TP73: variants seen among roughly 807,000 people sequenced by gnomAD.
The protein encoded by TP73 is p53-like transcription factor.
In TP73, 25 loss-of-function variants were observed where a neutral mutation model predicts 62.5. The observed-to-expected ratio is 0.40, with a 90% CI of 0.29 to 0.56. The LOEUF is 0.56. TP73 is among the 20% of genes least tolerant of loss of function. TP73 has a pLI of 0.46. For missense variants in TP73, 754 were observed against 913.3 expected, an observed-to-expected ratio of 0.83 and a Z score of 2.25; for synonymous variants, 423 against 377.5, an observed-to-expected ratio of 1.12 and a Z score of -1.40.
At chr1:3,683,022 T>G in intron 2 of TP73, 38 bp from the exon 3 acceptor site, 3 of 1,580,028 alleles carry the variant, frequency 1.9e-6, no homozygotes, top group Non-Finnish European at 2.6e-6. Context: ...ACACCCAAAC[T>G]GGGGACTGAC....
intron 1 of TP73, among the ~76,000 whole-genome samples, chr1:3,655,857 C>T (rs765590269): frequency 4.6e-5 from 7 of 152,262 alleles, no homozygotes; most frequent in African/African-American, 1.7e-4. Flanking sequence ...CTCTGTGGGT[C>T]GTGCAGAAGG....
intron 4 of TP73, among the ~76,000 whole-genome samples, chr1:3,716,034 C>T (rs1378050450): frequency 2.0e-5 from 3 of 152,218 alleles, no homozygotes; most frequent in Admixed American, 1.3e-4. Context: ...TAGGACATGG[C>T]TCAAGGTCGT....
intron 1 of TP73, among the ~76,000 whole-genome samples, chr1:3,679,483 ATCTC>A (rs1232329562): frequency 4.3e-5 from 6 of 140,368 alleles, no homozygotes; most frequent in African/African-American, 1.3e-4. Flanking sequence ...GTCTCTCTCC[ATCTC>A]TCTCTGTCTC....
chr1:3,732,675 C>T, intron 13 of TP73, 72 bp from the exon 14 acceptor site: 1 of 1,411,596 alleles, frequency 7.1e-7, no homozygotes, highest in Non-Finnish European at 9.5e-7. Flanking sequence ...GCCAGACCTC[C>T]AGGCCCAGGG....
chr1:3,727,899 C>A, intron 8 of TP73, 129 bp downstream of exon 8: 1 of 1,359,952 alleles, frequency 7.4e-7, no homozygotes, highest in Non-Finnish European at 9.7e-7. Flanking sequence ...CAGACTCCTC[C>A]CTGACGGAGC....
At chr1:3,724,278 AG>A (rs984584408) in intron 6 of TP73, among the ~76,000 whole-genome samples, 4 of 152,030 alleles carry the variant, frequency 2.6e-5, no homozygotes, top group Non-Finnish European at 5.9e-5. Flanking sequence ...AGGGGAAGGC[AG>A]GCAATGGCAG....
chr1:3,735,402 G>C lies in TP73; in HGVS notation c.*2323G>C, dbSNP rs1001238057. 1 of 152,330 alleles carries C rather than the reference G, an allele frequency of 6.6e-6. No homozygotes were observed. The highest frequency in any genetic ancestry group is 1.5e-5 in the Non-Finnish European group (1 of 68,218). The allele number at this position is 152,330 out of a possible 1,614,324, so 9.4% of individuals were successfully genotyped here. A position where few individuals can be genotyped will look rare whatever the true frequency, so the allele number is the denominator to read the frequency against. ...TGGGAAGGGCTGGGGGGGCTGGGGG[G>C]GCTGGGAGAGGCCCAGGGGCAGCTG... On this transcript the variant is annotated 3_prime_UTR_variant, in exon 14 of 14. Transcript: ENST00000378295.
intron 3 of TP73, among the ~76,000 whole-genome samples, chr1:3,686,511 G>A (rs930899452): frequency 6.6e-6 from 1 of 152,166 alleles, no homozygotes; most frequent in African/African-American, 2.4e-5. Context: ...GCCCAACCCC[G>A]TGGGCCTCGG....
At chr1:3,721,667 C>T (rs967128588) in intron 4 of TP73, among the ~76,000 whole-genome samples, 7 of 152,238 alleles carry the variant, frequency 4.6e-5, no homozygotes, top group African/African-American at 1.4e-4. Context: ...CTCCCAGCCC[C>T]CGTTCCCGCC....
In TP73 at chr1:3,672,520, A is replaced by G. The variant is rs1645264631; in HGVS notation, c.-33-9813A>G. Among the ~76,000 whole-genome samples, 1 of 152,190 alleles carries G rather than the reference A, an allele frequency of 6.6e-6. No individual in the cohort carries two copies. The highest frequency in any genetic ancestry group is 2.4e-5 in the African/African-American group (1 of 41,516). ...CCCTGCTGAGGGCAGCGCTGTACTCATCACCTGTGAACACAGGTATCGACT... is the reference window on the plus strand; with the variant it reads ...CCCTGCTGAGGGCAGCGCTGTACTCGTCACCTGTGAACACAGGTATCGACT... On this transcript the variant is annotated intron_variant, in intron 1 of 13. Coordinates refer to ENST00000378295, the MANE Select transcript of TP73 (RefSeq NM_005427.4). This position sits in a 1 kb window ranked among gnomAD's most constrained non-coding sequence, Gnocchi z 5.3.
chr1:3,655,979 C>T (rs1644856575), intron 1 of TP73, among the ~76,000 whole-genome samples: 1 of 152,178 alleles, frequency 6.6e-6, no homozygotes, highest in Non-Finnish European at 1.5e-5. Context: ...AGATCAAGAC[C>T]ATCCTGGCTA....
chr1:3,673,540 AAC>A (rs1377588369), intron 1 of TP73, among the ~76,000 whole-genome samples: 1 of 152,224 alleles, frequency 6.6e-6, no homozygotes, highest in Non-Finnish European at 1.5e-5. Context: ...CAGACAAGGA[AAC>A]AGAGGCTCAG....
rs565900816 is a variant in TP73 at position 3,658,562 on chromosome 1, G to A, written c.-34+5921G>A. On this transcript the variant is annotated intron_variant, in intron 1 of 13. Coordinates refer to ENST00000378295, the MANE Select transcript of TP73 (RefSeq NM_005427.4). ...TCGTGGTGCAGCTATCAGTCTCATG[G>A]TGAGAAAATGCGTCTTGGCGCGCGG... Among the ~76,000 whole-genome samples the A allele has an allele frequency of 2.7e-3, 412 of 152,326 alleles. 2 individuals are homozygous for A. Among genetic ancestry groups the A allele is most frequent in the African/African-American group, 9.5e-3 (396 of 41,570 alleles).
intron 1 of TP73, among the ~76,000 whole-genome samples, chr1:3,660,914 C>G (rs905482032): frequency 1.3e-5 from 2 of 152,174 alleles, no homozygotes; most frequent in African/African-American, 2.4e-5. Flanking sequence ...TGTATACTTT[C>G]ACATAATAAC....
chr1:3,661,893 A>AT (rs1557482813), intron 1 of TP73, among the ~76,000 whole-genome samples: 2 of 145,982 alleles, frequency 1.4e-5, no homozygotes, highest in Admixed American at 6.8e-5. Context: ...TTTATTTTTT[A>AT]TTTTTTATTT....
At chr1:3,717,005 G>T (rs916531894) in intron 4 of TP73, among the ~76,000 whole-genome samples, 9 of 152,130 alleles carry the variant, frequency 5.9e-5, no homozygotes, top group Non-Finnish European at 1.3e-4. Flanking sequence ...AAAAAAAATC[G>T]TTTAAAAAAT....
chr1:3,692,512 A>G (rs1294237794), intron 3 of TP73, among the ~76,000 whole-genome samples: 1 of 152,270 alleles, frequency 6.6e-6, no homozygotes, highest in Non-Finnish European at 1.5e-5. Context: ...GCATTGATAC[A>G]TGTATCCACC....
intron 3 of TP73, among the ~76,000 whole-genome samples, chr1:3,695,833 G>A (rs943381093): frequency 6.6e-6 from 1 of 152,266 alleles, no homozygotes; most frequent in Admixed American, 6.5e-5. Flanking sequence ...CCGCCTGCAG[G>A]CTGGGACGAT....
chr1:3,702,418 C>A (rs1296071925), intron 3 of TP73, among the ~76,000 whole-genome samples: 3 of 152,174 alleles, frequency 2.0e-5, no homozygotes, highest in Non-Finnish European at 4.4e-5. Context: ...ATACCTGTGA[C>A]TGGCCCAGGC....
Sources: gnomAD v4.1 joint callset for allele counts (sites outside exome capture counted in the v4.1 genomes callset) on GRCh38, gnomAD v4.1.1 for gene constraint, Gnocchi (gnomAD v3.1) non-coding constraint, MANE v1.5 for transcripts, NCBI Gene and HGNC (gene_info 2026-07-23, HGNC 2026-07-21) for gene names.